Variants in CDH12 observed in about 807,000 individuals in gnomAD.
The protein encoded by CDH12 is cadherin-12.
A neutral mutation model predicts 74.1 loss-of-function variants in CDH12; 41 were observed. The observed-to-expected ratio is 0.55, with a 90% CI of 0.43 to 0.72. The LOEUF (loss-of-function observed/expected upper bound fraction) is 0.72. Ranked by LOEUF, CDH12 falls within the 30% of genes least tolerant of loss-of-function variation. CDH12 has a pLI of 0.00. For synonymous variants in CDH12, 399 were observed against 355.0 expected (o/e 1.12, Z -1.39); for missense variants, 945 against 977.2 (o/e 0.97, Z 0.44).
At chr5:22,539,473 GA>G (rs762696439) in intron 1 of CDH12, among the ~76,000 whole-genome samples, 17 of 152,208 alleles carry the variant, frequency 1.1e-4, no homozygotes, top group Non-Finnish European at 1.8e-4. Context: ...ATAAAGGATT[GA>G]AGAGTAGATG....
rs1039777794 is a variant in CDH12, at chr5:22,476,613, T to C, written c.-428+28657A>G. Among the ~76,000 whole-genome samples the C allele has an allele frequency of 1.6e-4, 25 of 152,120 alleles. 1 individual carries two copies. The highest frequency in any genetic ancestry group is 2.9e-4 in the Non-Finnish European group (20 of 68,006). On this transcript the variant is annotated intron_variant, in intron 2 of 14. Transcript: ENST00000382254. ...TATTGTCGTAAATTATTAAATTGAG[T>C]ATAAATGATATTACCTCATCTTACA... is the stretch of plus-strand genomic sequence containing the variant.
intron 3 of CDH12, among the ~76,000 whole-genome samples, chr5:22,284,969 A>C (rs533795709): frequency 6.7e-6 from 1 of 149,894 alleles, no homozygotes; most frequent in South Asian, 2.1e-4. Flanking sequence ...AAAAGCATTG[A>C]GCAAAGTACA....
intron 3 of CDH12, among the ~76,000 whole-genome samples, chr5:22,237,930 T>C (rs981355250): frequency 9.2e-5 from 14 of 152,236 alleles, no homozygotes; most frequent in Admixed American, 7.9e-4. Context: ...GTATTTGTAG[T>C]GTAGACACAG....
chr5:22,187,665 G>T (rs10602713), intron 4 of CDH12, among the ~76,000 whole-genome samples: 1 of 140,088 alleles, frequency 7.1e-6, no homozygotes, highest in South Asian at 2.3e-4. Context: ...AAAAAAAAAA[G>T]AAAGAAAGAA....
At chr5:22,243,736 A>AT (rs1421495016) in intron 3 of CDH12, among the ~76,000 whole-genome samples, 2 of 152,108 alleles carry the variant, frequency 1.3e-5, no homozygotes, top group East Asian at 1.9e-4. Flanking sequence ...TTTGATTAAC[A>AT]TTTTTTTGAG....
At chr5:22,800,996 G>A (rs936945502) in intron 1 of CDH12, among the ~76,000 whole-genome samples, 18 of 152,066 alleles carry the variant, frequency 1.2e-4, no homozygotes, top group African/African-American at 3.4e-4. Context: ...GAATAGAGCC[G>A]CCATAAAAAA....
intron 1 of CDH12, among the ~76,000 whole-genome samples, chr5:22,826,970 G>A (rs1374046208): frequency 1.3e-5 from 2 of 152,190 alleles, no homozygotes; most frequent in Admixed American, 1.3e-4. Flanking sequence ...GTAACGAGGA[G>A]CAGAATGTCA....
At chr5:22,815,558 T>G (rs1749347524) in intron 1 of CDH12, among the ~76,000 whole-genome samples, 1 of 151,790 alleles carries the variant, frequency 6.6e-6, no homozygotes, top group Non-Finnish European at 1.5e-5. Flanking sequence ...TAACCTGAGG[T>G]CAGGAGTTCG....
At chr5:22,834,064 T>G (rs1736724162) in intron 1 of CDH12, among the ~76,000 whole-genome samples, 1 of 152,132 alleles carries the variant, frequency 6.6e-6, no homozygotes, top group African/African-American at 2.4e-5. Context: ...TCCTTGACCT[T>G]CAACAACTGA....
At chr5:22,803,818 G>A (rs1421628643) in intron 1 of CDH12, among the ~76,000 whole-genome samples, 1 of 152,104 alleles carries the variant, frequency 6.6e-6, no homozygotes, top group African/African-American at 2.4e-5. Flanking sequence ...CGTGTGTTTT[G>A]TATGGTATCG....
rs1740620108 is a variant in CDH12, at chr5:22,357,621, C to CATTGGA, written c.-333+47630_-333+47635dup. ...CTTTTGTATTAATTTAAGTAAAACGCATTGGATTGATATAAGAAAGTTCTC... is the reference window on the plus strand; with the variant it reads ...CTTTTGTATTAATTTAAGTAAAACGCATTGGAATTGGATTGATATAAGAAAGTTCTC... On this transcript the variant is annotated intron_variant, in intron 3 of 14. Coordinates refer to ENST00000382254, the MANE Select transcript of CDH12 (RefSeq NM_004061.5). Among the ~76,000 whole-genome samples, 4 of 152,166 alleles carry CATTGGA rather than the reference C, an allele frequency of 2.6e-5. No homozygotes were observed. In the South Asian group the frequency reaches 8.3e-4, roughly 32 times the overall value.
At chr5:22,031,636 T>A (rs1488275504) in intron 5 of CDH12, among the ~76,000 whole-genome samples, 1 of 152,202 alleles carries the variant, frequency 6.6e-6, no homozygotes, top group East Asian at 1.9e-4. Context: ...AAACTCTTTC[T>A]TTTACTTGAA....
At chr5:22,587,863 T>C (rs555797558) in intron 1 of CDH12, among the ~76,000 whole-genome samples, 84 of 149,360 alleles carry the variant, frequency 5.6e-4, no homozygotes, top group Middle Eastern at 3.6e-3. Context: ...TATATATATA[T>C]ACATATATAG....
At position 22,505,351 on chromosome 5, in the gene CDH12, G is replaced by C. The variant is rs943270487; in HGVS notation, c.-509C>G. 5 of 982,222 alleles carry C rather than the reference G, an allele frequency of 5.1e-6. No homozygotes were observed. The African/African-American group carries it at 8.8e-5, about 17-fold the overall frequency. The allele number at this position is 982,222 out of a possible 1,614,324, so 60.8% of individuals were successfully genotyped here. A position where few individuals can be genotyped will look rare whatever the true frequency, so the allele number is the denominator to read the frequency against. On this transcript the variant is annotated 5_prime_UTR_variant, in exon 2 of 15. Transcript: ENST00000382254. ...CTATATTTCCCAAAAGAGCCAAGCT[G>C]TTAGGTAACAAAGCTGGAAAGACAA...
At chr5:22,663,838 T>TA (rs1225521044) in intron 1 of CDH12, among the ~76,000 whole-genome samples, 2 of 152,102 alleles carry the variant, frequency 1.3e-5, no homozygotes, top group Non-Finnish European at 2.9e-5. Context: ...CAATTATATA[T>TA]AAAATCTCAA....
At position 22,832,685 on chromosome 5, in the gene CDH12, A is replaced by T. The variant is rs185092323; in HGVS notation, c.-523+20373T>A. Among the ~76,000 whole-genome samples the T allele has an allele frequency of 3.0e-4, 46 of 152,264 alleles. 1 individual carries two copies. Among genetic ancestry groups the T allele is most frequent in the Non-Finnish European group, 4.4e-4 (30 of 68,010 alleles). On this transcript the variant is annotated intron_variant, in intron 1 of 14. Transcript: ENST00000382254. ...TATTTTTCATATGGGAAGATTTTTTAAAAAATATTACTGTTTCTTTCCTTC... is the reference window on the plus strand; with the variant it reads ...TATTTTTCATATGGGAAGATTTTTTTAAAAATATTACTGTTTCTTTCCTTC...
At chr5:21,908,130 T>C (rs1273383785) in intron 6 of CDH12, among the ~76,000 whole-genome samples, 1 of 152,176 alleles carries the variant, frequency 6.6e-6, no homozygotes. Context: ...TCTCAGTTAT[T>C]TTACTGAATA....
At chr5:21,979,491 C>A (rs535271161) in intron 5 of CDH12, among the ~76,000 whole-genome samples, 4 of 152,096 alleles carry the variant, frequency 2.6e-5, no homozygotes, top group Non-Finnish European at 5.9e-5. Context: ...TTCATTCCAG[C>A]GCTTAAAAGT....
intron 6 of CDH12, among the ~76,000 whole-genome samples, chr5:21,973,522 T>G (rs1267315442): frequency 2.0e-5 from 3 of 152,178 alleles, no homozygotes; most frequent in African/African-American, 7.2e-5. Context: ...CTAGTTATTA[T>G]AGTTGGCACA....
Sources: allele counts gnomAD v4.1 joint callset (sites outside exome capture counted in the v4.1 genomes callset), GRCh38; gene constraint gnomAD v4.1.1; transcripts MANE v1.5; gene names NCBI Gene and HGNC (gene_info 2026-07-23, HGNC 2026-07-21).